The following DLG2 variants were observed in gnomAD, a reference collection of about 807,000 sequenced individuals.
DLG2 encodes the protein disks large homolog 2.
In DLG2, 45 loss-of-function variants were observed where a neutral mutation model predicts 132.5. The ratio of observed to expected loss-of-function variants is 0.34; its 90% confidence interval spans 0.27 to 0.44. The LOEUF (loss-of-function observed/expected upper bound fraction) is 0.44. DLG2 is among the 20% of genes least tolerant of loss of function. The pLI, the probability that DLG2 is intolerant of heterozygous loss-of-function variation, is 1.00. For missense variants in DLG2, 1,045 were observed against 1,196.9 expected, an observed-to-expected ratio of 0.87 and a Z score of 1.87; for synonymous variants, 424 against 419.6, an observed-to-expected ratio of 1.01 and a Z score of -0.13.
chr11:85,605,785 C>A (rs561159759), intron 2 of DLG2, among the ~76,000 whole-genome samples: 2 of 152,266 alleles, frequency 1.3e-5, no homozygotes, highest in South Asian at 4.1e-4. Context: ...TCGAGACCAG[C>A]CTGACCAACA....
intron 6 of DLG2, among the ~76,000 whole-genome samples, chr11:84,838,349 G>C (rs1441292668): frequency 6.6e-6 from 1 of 151,534 alleles, no homozygotes. Flanking sequence ...GCTTAAGCTA[G>C]TGGATCCTGT....
At chr11:84,234,204 A>T (rs2097130240) in intron 8 of DLG2, among the ~76,000 whole-genome samples, 1 of 152,132 alleles carries the variant, frequency 6.6e-6, no homozygotes, top group Non-Finnish European at 1.5e-5. Flanking sequence ...CAACATATAA[A>T]ACCCCAAGTC....
intron 17 of DLG2, among the ~76,000 whole-genome samples, chr11:83,803,500 C>T (rs1250987500): frequency 6.6e-6 from 1 of 152,060 alleles, no homozygotes; most frequent in African/African-American, 2.4e-5. Context: ...CATAAATGCC[C>T]TAATTCCCAG....
chr11:84,936,101 A>T (rs1246603141), intron 6 of DLG2, among the ~76,000 whole-genome samples: 1 of 152,226 alleles, frequency 6.6e-6, no homozygotes, highest in East Asian at 1.9e-4. Context: ...ATTAAAAAGT[A>T]AATTAACGGA....
At chr11:85,076,094 A>G (rs190389016) in intron 6 of DLG2, among the ~76,000 whole-genome samples, 14 of 152,106 alleles carry the variant, frequency 9.2e-5, no homozygotes, top group Admixed American at 4.6e-4. Flanking sequence ...CATCAAAGTA[A>G]TAATGAATTT....
At chr11:84,940,503 A>G (rs2049278404) in intron 6 of DLG2, among the ~76,000 whole-genome samples, 1 of 152,032 alleles carries the variant, frequency 6.6e-6, no homozygotes, top group African/African-American at 2.4e-5. Context: ...TCAAATACCT[A>G]TTTGCCATTT....
chr11:83,923,575 T>C (rs975097611), intron 15 of DLG2, among the ~76,000 whole-genome samples: 1 of 152,118 alleles, frequency 6.6e-6, no homozygotes, highest in African/African-American at 2.4e-5. Flanking sequence ...AGTGTACTTA[T>C]TGTGGACAAG....
chr11:85,001,300 G>A (rs928838857), intron 6 of DLG2, among the ~76,000 whole-genome samples: 19 of 152,074 alleles, frequency 1.2e-4, no homozygotes, highest in African/African-American at 4.3e-4. Flanking sequence ...GTCTCACTAT[G>A]TTGCCCACAC....
intron 8 of DLG2, among the ~76,000 whole-genome samples, chr11:84,201,673 C>T (rs780334773): frequency 2.0e-5 from 3 of 150,782 alleles, no homozygotes; most frequent in Admixed American, 6.6e-5. Context: ...CTTCCTGGTT[C>T]GGTCTTGAAA....
Position 84,175,763 on chromosome 11 carries a change from T to C in DLG2, c.574-12252A>G, listed in dbSNP as rs143524024. Reference sequence around the variant, plus strand: ...CCCTGCTCCTTCATCTGAAGTTCTGTGATTTTGGAAAAATGCTTCGGGCTG... The same window carrying C: ...CCCTGCTCCTTCATCTGAAGTTCTGCGATTTTGGAAAAATGCTTCGGGCTG... On this transcript the variant is annotated intron_variant, in intron 8 of 27. Transcript: ENST00000376104. Among the ~76,000 whole-genome samples, 37 of 152,244 alleles carry C rather than the reference T, an allele frequency of 2.4e-4. No homozygotes were observed. In the East Asian group the frequency reaches 6.9e-3, roughly 29 times the overall value.
intron 3 of DLG2, among the ~76,000 whole-genome samples, chr11:85,300,470 G>A (rs147077188): frequency 6.6e-6 from 1 of 152,154 alleles, no homozygotes; most frequent in African/African-American, 2.4e-5. Context: ...AAACAAACAA[G>A]GAGTAAAATT....
intron 17 of DLG2, among the ~76,000 whole-genome samples, chr11:83,792,837 T>C (rs2041930438): frequency 6.6e-6 from 1 of 152,152 alleles, no homozygotes; most frequent in African/African-American, 2.4e-5. Flanking sequence ...GTAAAGGATA[T>C]GAATGTCAAA....
intron 9 of DLG2, among the ~76,000 whole-genome samples, chr11:84,142,658 C>T (rs75138455): frequency 0.085 from 12,885 of 152,100 alleles, 696 homozygotes; most frequent in African/African-American, 0.15. Context: ...CCAGATAGAA[C>T]AAAAAGGCAG....
chr11:84,704,710 T>C (rs989756845), intron 6 of DLG2, among the ~76,000 whole-genome samples: 3 of 151,390 alleles, frequency 2.0e-5, no homozygotes, highest in African/African-American at 7.3e-5. Flanking sequence ...TAACCATTAT[T>C]GACCAGAGCT....
chr11:84,435,800 T>C (rs1248124179), intron 7 of DLG2, among the ~76,000 whole-genome samples: 3 of 152,146 alleles, frequency 2.0e-5, no homozygotes, highest in Non-Finnish European at 2.9e-5. Context: ...CTGAATTTTA[T>C]AGAGCTGCTA....
chr11:84,951,970 A>G (rs1349264343), intron 6 of DLG2, among the ~76,000 whole-genome samples: 3 of 152,160 alleles, frequency 2.0e-5, no homozygotes, highest in Non-Finnish European at 4.4e-5. Context: ...GTCATTGAAT[A>G]TGTGGATTTA....
At position 84,322,249 on chromosome 11, in the gene DLG2, T is replaced by A. The variant is rs375475848; in HGVS notation, c.520-70958A>T. 4.3e-4 allele frequency among the ~76,000 whole-genome samples: 66 copies of A among 152,360 alleles called. 1 individual carries two copies. In the South Asian group the frequency reaches 0.013, roughly 30 times the overall value. On this transcript the variant is annotated intron_variant, in intron 7 of 27. Coordinates refer to ENST00000376104, the MANE Select transcript of DLG2 (RefSeq NM_001142699.3). ...TTTGATTTTAAAAACAAAATGGCAA[T>A]GTGTTCCTACAGTCAGCACTTTAGT...
chr11:84,631,012 TCTCTCTCACACACACA>T (rs1450315879), intron 6 of DLG2, among the ~76,000 whole-genome samples: 2 of 129,544 alleles, frequency 1.5e-5, no homozygotes, highest in African/African-American at 6.6e-5. Flanking sequence ...TCTCTCTCTC[TCTCTCTCACACACACA>T]CACACACACA....
chr11:85,140,458 A>G (rs1346009843), intron 5 of DLG2, among the ~76,000 whole-genome samples: 1 of 151,940 alleles, frequency 6.6e-6, no homozygotes, highest in African/African-American at 2.4e-5. Context: ...TGAGTACATG[A>G]TAGTTATATA....
Sources: gnomAD v4.1 joint callset for allele counts (sites outside exome capture counted in the v4.1 genomes callset) on GRCh38, gnomAD v4.1.1 for gene constraint, MANE v1.5 for transcripts, NCBI Gene and HGNC (gene_info 2026-07-23, HGNC 2026-07-21) for gene names.